The following ALDH6A1 variants were observed in gnomAD, a reference collection of about 807,000 sequenced individuals.
ALDH6A1 encodes methylmalonate-semialdehyde/malonate-semialdehyde dehydrogenase [acylating], mitochondrial.
A neutral mutation model predicts 62.6 loss-of-function variants in ALDH6A1; 43 were observed. That is an observed-to-expected ratio of 0.69 (90% CI 0.54 to 0.89). The LOEUF (loss-of-function observed/expected upper bound fraction) is 0.89. Among genes scored for constraint, ALDH6A1 ranks in the 40% least tolerant of loss-of-function variants. The pLI is 0.00. For synonymous variants in ALDH6A1, 194 were observed against 234.2 expected (o/e 0.83, Z 1.57); for missense variants, 551 against 661.3 (o/e 0.83, Z 1.83).
At position 74,067,411 on chromosome 14, in the gene ALDH6A1, C is replaced by T. The variant is rs754765165; in HGVS notation, c.1011G>A (p.Val337=). The change falls in exon 8 of 12, where the codon GTG becomes GTA. Residue 337 remains valine, a synonymous_variant. Transcript: ENST00000553458. ...GEAKKWLPEL[V]EHAKNLRVNA... ...TGACTCTCAGGTTTTTGGCATGCTC[C>T]ACCAGCTCTGGCAGCCACTTCTTGG... 7 of 1,613,842 alleles carry T rather than the reference C, an allele frequency of 4.3e-6. No homozygotes were observed. In the Admixed American group the frequency reaches 1.2e-4, roughly 27 times the overall value.
rs1036195947 is a variant in ALDH6A1 at position 74,078,650 on chromosome 14, T to C, written c.49-3633A>G. ...TCAAGTGATTCTCCTGCCTCAGCTT[T>C]CTGAGTAGCTGGGATTACAGGCATG... On this transcript the variant is annotated intron_variant, in intron 1 of 11. Transcript: ENST00000553458. 6.7e-3 allele frequency among the ~76,000 whole-genome samples: 1,011 copies of C among 150,478 alleles called. 16 individuals are homozygous for C. The highest frequency in any genetic ancestry group is 0.023 in the African/African-American group (932 of 39,988).
rs780154266 is a variant in ALDH6A1 at position 74,060,455 on chromosome 14, T to A, written c.*187A>T. On this transcript the variant is annotated 3_prime_UTR_variant, in exon 12 of 12. Transcript: ENST00000553458. Reference sequence around the variant, plus strand: ...AGAAGTATGAAGAGCAAGTGAGAAATCTGGTTTCATTGTTACACTAGGCAG... The same window carrying A: ...AGAAGTATGAAGAGCAAGTGAGAAAACTGGTTTCATTGTTACACTAGGCAG... 9 of 607,668 alleles carry A rather than the reference T, an allele frequency of 1.5e-5. No individual in the cohort carries two copies. The highest frequency in any genetic ancestry group is 2.4e-5 in the Non-Finnish European group (8 of 336,668). 37.6% of individuals were successfully genotyped at this position (607,668 alleles called of 1,614,324 possible).
intron 7 of ALDH6A1, among the ~76,000 whole-genome samples, chr14:74,068,029 A>G (rs967224939): frequency 6.6e-6 from 1 of 150,516 alleles, no homozygotes; most frequent in Non-Finnish European, 1.5e-5. Context: ...TTACAGCCTT[A>G]CAGCAATAAT....
At chr14:74,081,841 A>C (rs2060670768) in intron 1 of ALDH6A1, among the ~76,000 whole-genome samples, 1 of 152,154 alleles carries the variant, frequency 6.6e-6, no homozygotes, top group South Asian at 2.1e-4. Context: ...TTAAGTTCTG[A>C]ATTTTCAGCC....
In ALDH6A1 at chr14:74,060,693, T is replaced by A. The variant is rs759110307; in HGVS notation, c.1557A>T (p.Glu519Asp). 6 of 1,612,868 alleles carry A rather than the reference T, an allele frequency of 3.7e-6. No individual in the cohort carries two copies. The highest frequency in any genetic ancestry group is 1.1e-5 in the South Asian group (1 of 91,078). The change falls in exon 12 of 12, where the codon GAA becomes GAT. Residue 519 changes from glutamate to aspartate, a missense_variant. By Grantham distance (45) the Glu-to-Asp change is conservative. Transcript: ENST00000553458. ...LKTITSQWKEEDATLSSPAVV... is the reference protein window; with the variant it reads ...LKTITSQWKEDDATLSSPAVV... ...CAGCAGGTGAGGAAAGAGTAGCATC[T>A]TCTTCTTTCCACTGAGAAGTAATGG...
chr14:74,071,408 G>T lies in ALDH6A1; in HGVS notation c.517C>A (p.Arg173Ser). The T allele has an allele frequency of 6.2e-7, 1 of 1,614,128 alleles. No individual in the cohort carries two copies. Among genetic ancestry groups the T allele is most frequent in the South Asian group, 1.1e-5 (1 of 91,078 alleles). ...CCTGCACACACTCCCAGAGGCAGACGGTAGGAATAAAGGTCCATGTCTTTG... is the reference window on the plus strand; with the variant it reads ...CCTGCACACACTCCCAGAGGCAGACTGTAGGAATAAAGGTCCATGTCTTTG... The part of the protein sequence containing the change: ...ITKDMDLYSY[R>S]LPLGVCAGIA... The change falls in exon 6 of 12, where the codon CGT becomes AGT. Residue 173 changes from arginine to serine, a missense_variant. Arg to Ser is a moderately radical substitution (Grantham distance 110). Coordinates refer to ENST00000553458, the MANE Select transcript of ALDH6A1 (RefSeq NM_005589.4).
In ALDH6A1 at chr14:74,058,226, C is replaced by T. The variant is rs1194750608; in HGVS notation, c.*2416G>A. The stretch of plus-strand genomic sequence containing the variant: ...CCTGTAATCCCAGCTACTCGGGAGA[C>T]TGAGGCAGGAGAATTACTTGAACCC... On this transcript the variant is annotated 3_prime_UTR_variant, in exon 12 of 12. Transcript: ENST00000553458. 3.3e-5 allele frequency: 5 copies of T among 152,230 alleles called. No individual in the cohort carries two copies. Among genetic ancestry groups the T allele is most frequent in the African/African-American group, 9.7e-5 (4 of 41,378 alleles). The allele number at this position is 152,230 out of a possible 1,614,324, so 9.4% of individuals were successfully genotyped here.
chr14:74,062,086 G>A (rs1375363056), intron 11 of ALDH6A1, among the ~76,000 whole-genome samples: 3 of 148,404 alleles, frequency 2.0e-5, no homozygotes, highest in African/African-American at 5.0e-5. Flanking sequence ...AAAAAGCTGG[G>A]CGTGGTGGAG....
At chr14:74,075,808 C>T (rs902901880) in intron 1 of ALDH6A1, among the ~76,000 whole-genome samples, 2 of 151,550 alleles carry the variant, frequency 1.3e-5, no homozygotes, top group East Asian at 3.9e-4. Context: ...TTGTAGTAGC[C>T]CAAAACTTGG....
intron 1 of ALDH6A1, among the ~76,000 whole-genome samples, chr14:74,082,353 T>C (rs192118129): frequency 6.6e-6 from 1 of 151,816 alleles, no homozygotes; most frequent in Admixed American, 6.6e-5. Flanking sequence ...CTATAAATCC[T>C]TTTGATAGTT....
At position 74,065,286 on chromosome 14, in the gene ALDH6A1, T is replaced by G; in HGVS notation, c.1299A>C (p.Glu433Asp). Reference sequence around the variant, plus strand: ...GGTTGTTATTTACAATCTGGATGGCTTCATCCAATGTTTCTGTCTCCAGAA... The same window carrying G: ...GGTTGTTATTTACAATCTGGATGGCGTCATCCAATGTTTCTGTCTCCAGAA... ...LVVLETETLDEAIQIVNNNPY... is the reference protein window; with the variant it reads ...LVVLETETLDDAIQIVNNNPY... The change falls in exon 10 of 12, where the codon GAA becomes GAC. Residue 433 changes from glutamate (E) to aspartate (D), a missense_variant. Coordinates refer to ENST00000553458, the MANE Select transcript of ALDH6A1 (RefSeq NM_005589.4). 1 of 1,614,066 alleles carries G rather than the reference T, an allele frequency of 6.2e-7. No individual in the cohort carries two copies. The highest frequency in any genetic ancestry group is 2.2e-5 in the East Asian group (1 of 44,874).
At position 74,067,484 on chromosome 14, in the gene ALDH6A1, G is replaced by A; in HGVS notation, c.938C>T (p.Ala313Val). Residue 313 changes from alanine to valine, a missense_variant, in exon 8 of 12, where the codon GCT (alanine) becomes GTT (valine). By Grantham distance (64) the Ala-to-Val change is moderately conservative. Coordinates refer to ENST00000553458, the MANE Select transcript of ALDH6A1 (RefSeq NM_005589.4). ...TGAAAGAGCCATGCAGCGCTGACCA[G>A]CAGCTCCAAATGCTGCCCCAACCAG... ...NQLVGAAFGA[A>V]GQRCMALSTA... 1 of 1,614,216 alleles carries A rather than the reference G, an allele frequency of 6.2e-7. No individual in the cohort carries two copies. The highest frequency in any genetic ancestry group is 8.5e-7 in the Non-Finnish European group (1 of 1,180,046).
Position 74,057,839 on chromosome 14 carries a change from C to A in ALDH6A1, c.*2803G>T. On this transcript the variant is annotated 3_prime_UTR_variant, in exon 12 of 12. Transcript: ENST00000553458. ...CATCTAAGAAATAAGAAACTCTGAGCAGCAAATAGTTGGCCAGATGAGTTG... is the reference window on the plus strand; with the variant it reads ...CATCTAAGAAATAAGAAACTCTGAGAAGCAAATAGTTGGCCAGATGAGTTG... 1 of 1,034,302 alleles carries A rather than the reference C, an allele frequency of 9.7e-7. No individual in the cohort carries two copies. The allele number at this position is 1,034,302 out of a possible 1,614,324, so 64.1% of individuals were successfully genotyped here.
rs887711011 is a variant in ALDH6A1, at chr14:74,078,331, T to C, written c.49-3314A>G. Reference sequence around the variant, plus strand: ...GACCGAGACAGTGGTGCACGATCAATATATGTGGACTGGATGAAGAGGTAT... The same window carrying C: ...GACCGAGACAGTGGTGCACGATCAACATATGTGGACTGGATGAAGAGGTAT... On this transcript the variant is annotated intron_variant, in intron 1 of 11. Coordinates refer to ENST00000553458, the MANE Select transcript of ALDH6A1 (RefSeq NM_005589.4). 4.2e-5 allele frequency: 19 copies of C among 447,436 alleles called. 1 individual carries two copies. The Admixed American group carries it at 4.7e-4, about 11-fold the overall frequency. 27.7% of individuals were successfully genotyped at this position (447,436 alleles called of 1,614,324 possible). A position where few individuals can be genotyped will look rare whatever the true frequency, so the allele number is the denominator to read the frequency against.
intron 1 of ALDH6A1, among the ~76,000 whole-genome samples, chr14:74,076,820 G>T (rs948080073): frequency 1.3e-5 from 2 of 152,142 alleles, no homozygotes; most frequent in African/African-American, 2.4e-5. Context: ...AGAGTGCTGG[G>T]ATTACAGGTG....
intron 1 of ALDH6A1, among the ~76,000 whole-genome samples, chr14:74,078,621 G>A (rs1270559962): frequency 3.3e-5 from 5 of 152,192 alleles, no homozygotes; most frequent in Middle Eastern, 6.8e-3. Context: ...TCCACCTCCC[G>A]GGTTCAAGTG....
chr14:74,062,182 G>A (rs1443637619), intron 11 of ALDH6A1, among the ~76,000 whole-genome samples: 2 of 151,206 alleles, frequency 1.3e-5, no homozygotes, highest in Non-Finnish European at 2.9e-5. Context: ...GGGCAACAGA[G>A]CAAAACTCCC....
chr14:74,081,704 C>T (rs2060669310), intron 1 of ALDH6A1, among the ~76,000 whole-genome samples: 1 of 152,118 alleles, frequency 6.6e-6, no homozygotes, highest in Non-Finnish European at 1.5e-5. Context: ...GGCTCTTTCC[C>T]TAGGTCCCCA....
At chr14:74,067,644 C>T in intron 7 of ALDH6A1, 75 bp from the exon 8 acceptor site, 1 of 1,508,912 alleles carries the variant, frequency 6.6e-7, no homozygotes, top group Admixed American at 1.7e-5. Context: ...AGCAGTGGAC[C>T]AGGTGTGGTG....
Sources: gnomAD v4.1 joint callset for allele counts (sites outside exome capture counted in the v4.1 genomes callset) on GRCh38, gnomAD v4.1.1 for gene constraint, MANE v1.5 for transcripts, NCBI Gene and HGNC (gene_info 2026-07-23, HGNC 2026-07-21) for gene names.